The following GCA variants were observed in gnomAD, a reference collection of about 807,000 sequenced individuals.
GCA encodes the protein grancalcin.
In GCA, 30 loss-of-function variants were observed where a neutral mutation model predicts 32.6. That is an observed-to-expected ratio of 0.92 (90% CI 0.69 to 1.25). GCA has a LOEUF of 1.25. GCA is among the 50% of genes most tolerant of loss of function. The probability of loss-of-function intolerance (pLI) is 0.00; values close to 1 mark genes in which losing one functional copy is unlikely to be tolerated. For missense variants in GCA, 291 were observed against 266.8 expected, an observed-to-expected ratio of 1.09 and a Z score of -0.63; for synonymous variants, 102 against 84.6, an observed-to-expected ratio of 1.21 and a Z score of -1.13.
At chr2:162,327,334 C>T (rs183447430) in intron 1 of GCA, among the ~76,000 whole-genome samples, 121 of 152,234 alleles carry the variant, frequency 7.9e-4, no homozygotes, top group African/African-American at 2.7e-3. Flanking sequence ...CTGTTAACTT[C>T]CCTATCAGAA....
intron 2 of GCA, among the ~76,000 whole-genome samples, chr2:162,350,701 C>T (rs1003454258): frequency 1.6e-4 from 25 of 152,178 alleles, no homozygotes; most frequent in African/African-American, 5.3e-4. Flanking sequence ...GCAATAAATT[C>T]GCTATGTTTG....
At chr2:162,346,628 G>A (rs1421196502) in intron 1 of GCA, 2 of 152,192 alleles carry the variant, frequency 1.3e-5, no homozygotes, top group Non-Finnish European at 2.9e-5. Flanking sequence ...ATGTGAAAGG[G>A]CCCATGTGGA....
At chr2:162,323,925 G>GT (rs1397383125) in intron 1 of GCA, among the ~76,000 whole-genome samples, 8 of 152,036 alleles carry the variant, frequency 5.3e-5, no homozygotes, top group African/African-American at 1.7e-4. Context: ...CTTTAAAGTA[G>GT]TTTTTTCCAA....
At chr2:162,351,733 A>T (rs904965672) in intron 2 of GCA, among the ~76,000 whole-genome samples, 1 of 152,134 alleles carries the variant, frequency 6.6e-6, no homozygotes, top group Non-Finnish European at 1.5e-5. Flanking sequence ...CAAAAACAGG[A>T]TGAGGTACTA....
Position 162,358,256 on chromosome 2 carries a change from G to T in GCA, c.455-788G>T, listed in dbSNP as rs567138393. Reference sequence around the variant, plus strand: ...ACCATCTATAAGGGTACAGCAAGTAGAATATATTAATTTATGTTTTTATTC... The same window carrying T: ...ACCATCTATAAGGGTACAGCAAGTATAATATATTAATTTATGTTTTTATTC... On this transcript the variant is annotated intron_variant, in intron 5 of 7. Coordinates refer to ENST00000437150, the MANE Select transcript of GCA (RefSeq NM_012198.5). 1.5e-3 allele frequency among the ~76,000 whole-genome samples: 230 copies of T among 151,500 alleles called. 1 individual carries two copies. The highest frequency in any genetic ancestry group is 2.0e-3 in the Non-Finnish European group (133 of 67,504).
chr2:162,363,357 G>A (rs562808180), downstream of GCA, among the ~76,000 whole-genome samples: 65 of 151,244 alleles, frequency 4.3e-4, 1 homozygote, highest in African/African-American at 1.5e-3. Flanking sequence ...CAATTTTTGG[G>A]TTGCAATTCA....
At chr2:162,329,053 T>C (rs2105268660) in intron 1 of GCA, among the ~76,000 whole-genome samples, 1 of 152,212 alleles carries the variant, frequency 6.6e-6, no homozygotes, top group African/African-American at 2.4e-5. Context: ...TCTGCTGATG[T>C]TCTCCTCTTG....
At chr2:162,326,506 CTTCT>C (rs1683885206) in intron 1 of GCA, among the ~76,000 whole-genome samples, 2 of 151,984 alleles carry the variant, frequency 1.3e-5, no homozygotes, top group South Asian at 4.1e-4. Flanking sequence ...CCTCATTTCC[CTTCT>C]TTCTTTTTTC....
intron 1 of GCA, among the ~76,000 whole-genome samples, chr2:162,330,710 A>G (rs1684046262): frequency 6.6e-6 from 1 of 152,192 alleles, no homozygotes; most frequent in African/African-American, 2.4e-5. Flanking sequence ...TTGTAATTTC[A>G]TTCTTCCATC....
Position 162,361,277 on chromosome 2 carries a change from CT to C in GCA, c.*1035del. ...GCAACTTTTCTGCGTGGTACTAAAA[CT>C]GCCGAAAATGCGACGTAGAATCACC... On this transcript the variant is annotated 3_prime_UTR_variant, in exon 8 of 8. Coordinates refer to ENST00000437150, the MANE Select transcript of GCA (RefSeq NM_012198.5). 1 of 984,706 alleles carries C rather than the reference CT, an allele frequency of 1.0e-6. No homozygotes were observed. The highest frequency in any genetic ancestry group is 1.2e-6 in the Non-Finnish European group (1 of 829,496). 61.0% of individuals were successfully genotyped at this position (984,706 alleles called of 1,614,324 possible).
chr2:162,339,961 A>G (rs1463202628), upstream of GCA, among the ~76,000 whole-genome samples: 1 of 152,206 alleles, frequency 6.6e-6, no homozygotes, highest in East Asian at 1.9e-4. Flanking sequence ...TCCATATGCA[A>G]TTGGCTATAC....
downstream of GCA, among the ~76,000 whole-genome samples, chr2:162,365,661 T>G (rs1281107567): frequency 6.6e-6 from 1 of 151,644 alleles, no homozygotes; most frequent in African/African-American, 2.4e-5. Context: ...GTATTATTAT[T>G]TAACTGGTAA....
chr2:162,359,716 T>C (rs548000838), intron 7 of GCA, among the ~76,000 whole-genome samples, 164 bp downstream of exon 7: 29 of 151,270 alleles, frequency 1.9e-4, no homozygotes, highest in African/African-American at 5.8e-4. Context: ...AATATTGGTA[T>C]AGGTGCCAAA....
intron 1 of GCA, among the ~76,000 whole-genome samples, chr2:162,336,428 C>A (rs1684272759): frequency 6.6e-6 from 1 of 152,102 alleles, no homozygotes; most frequent in South Asian, 2.1e-4. Context: ...TTTGTATCTT[C>A]TTTTCATTTT....
intron 2 of GCA, among the ~76,000 whole-genome samples, chr2:162,349,966 T>A (rs1373556403): frequency 6.6e-6 from 1 of 152,224 alleles, no homozygotes; most frequent in East Asian, 1.9e-4. Context: ...TTTTCTAGGA[T>A]TAGACAATAT....
At chr2:162,344,024 G>C, upstream of GCA, 1 of 596,440 alleles carries the variant, frequency 1.7e-6, no homozygotes, top group Non-Finnish European at 3.0e-6. Context: ...GGAAGGGGCG[G>C]ACTGCAGCTG....
chr2:162,332,829 G>C (rs1363727779), intron 1 of GCA, among the ~76,000 whole-genome samples: 1 of 152,106 alleles, frequency 6.6e-6, no homozygotes, highest in East Asian at 1.9e-4. Flanking sequence ...TATTTAAACT[G>C]AGAAGATTTA....
chr2:162,342,437 C>T (rs578137943), upstream of GCA, among the ~76,000 whole-genome samples: 4 of 152,306 alleles, frequency 2.6e-5, no homozygotes, highest in East Asian at 7.7e-4. Context: ...GAGCTTCATA[C>T]TTCCATAGAT....
At chr2:162,331,723 T>C (rs571898409) in intron 1 of GCA, among the ~76,000 whole-genome samples, 1 of 152,332 alleles carries the variant, frequency 6.6e-6, no homozygotes, top group East Asian at 1.9e-4. Context: ...CTGTTCTTTA[T>C]ATTACCCAGT....
Sources: gnomAD v4.1 joint callset for allele counts (sites outside exome capture counted in the v4.1 genomes callset) on GRCh38, gnomAD v4.1.1 for gene constraint, MANE v1.5 for transcripts, NCBI Gene and HGNC (gene_info 2026-07-23, HGNC 2026-07-21) for gene names.